NALF1: variants seen among roughly 807,000 people sequenced by gnomAD.
NALF1 encodes the protein NALCN channel auxiliary factor 1, also known as family with sequence similarity 155 member A.
A neutral mutation model predicts 48.4 loss-of-function variants in NALF1; 3 were observed. The observed-to-expected ratio is 0.06, with a 90% confidence interval of 0.03 to 0.16. The LOEUF is 0.16. Among genes scored for constraint, NALF1 ranks in the 10% least tolerant of loss-of-function variants. The pLI is 1.00. For missense variants in NALF1, 526 were observed against 571.5 expected, an observed-to-expected ratio of 0.92 and a Z score of 0.81; for synonymous variants, 262 against 245.7, an observed-to-expected ratio of 1.07 and a Z score of -0.62.
At chr13:107,840,080 A>G (rs1216758716) in intron 1 of NALF1, among the ~76,000 whole-genome samples, 1 of 152,220 alleles carries the variant, frequency 6.6e-6, no homozygotes, top group East Asian at 1.9e-4. Flanking sequence ...AAAACCCTTT[A>G]GCAATGCCAC....
intron 1 of NALF1, among the ~76,000 whole-genome samples, chr13:107,619,100 G>A (rs1048525042): frequency 1.2e-4 from 18 of 152,198 alleles, no homozygotes; most frequent in African/African-American, 3.6e-4. Context: ...TTACTGTGAT[G>A]GAGGAATTGA....
intron 1 of NALF1, among the ~76,000 whole-genome samples, chr13:107,753,520 G>A (rs527255324): frequency 1.0e-3 from 153 of 150,782 alleles, no homozygotes; most frequent in African/African-American, 3.6e-3. Context: ...TATCTTCAAG[G>A]GATGATGACG....
In NALF1 at chr13:107,848,254, G is replaced by A. The variant is rs1455983019; in HGVS notation, c.915+17428C>T. ...AATTTGCACTAATACTCTTTACAATGTTCAAAAGTATGGTTGGTAGGTACA... is the reference window on the plus strand; with the variant it reads ...AATTTGCACTAATACTCTTTACAATATTCAAAAGTATGGTTGGTAGGTACA... On this transcript the variant is annotated intron_variant, in intron 1 of 2. Coordinates refer to ENST00000375915, the MANE Select transcript of NALF1 (RefSeq NM_001080396.3). Among the ~76,000 whole-genome samples, 7 of 152,192 alleles carry A rather than the reference G, an allele frequency of 4.6e-5. No homozygotes were observed. The East Asian group carries it at 9.7e-4, about 21-fold the overall frequency.
In NALF1 at chr13:107,299,399, G is replaced by T. The variant is rs1338887539; in HGVS notation, c.916-88644C>A. ...TAGCAGTGAGCGAGATCCTGCCACC[G>T]CACTCCAGCCTGGGCTACAGAGCGA... On this transcript the variant is annotated intron_variant, in intron 1 of 2. Coordinates refer to ENST00000375915, the MANE Select transcript of NALF1 (RefSeq NM_001080396.3). Among the ~76,000 whole-genome samples, 7 of 150,418 alleles carry T rather than the reference G, an allele frequency of 4.7e-5. 1 individual carries two copies. The highest frequency in any genetic ancestry group is 1.7e-4 in the African/African-American group (7 of 40,882).
At chr13:107,396,361 G>A (rs938819112) in intron 1 of NALF1, among the ~76,000 whole-genome samples, 2 of 152,110 alleles carry the variant, frequency 1.3e-5, no homozygotes. Flanking sequence ...TAAGGCCAGC[G>A]CCACATCCAG....
Position 107,169,943 on chromosome 13 carries a change from A to T in NALF1, c.*554T>A, listed in dbSNP as rs1333103768. 1 of 102,266 alleles carries T rather than the reference A, an allele frequency of 9.8e-6. No individual in the cohort carries two copies. 6.3% of individuals were successfully genotyped at this position (102,266 alleles called of 1,614,324 possible). A position where few individuals can be genotyped will look rare whatever the true frequency, so the allele number is the denominator to read the frequency against. Reference sequence around the variant, plus strand: ...CTGTGGGTAGAAGGGAGACTTAGGGATTTTTTTTATTTTTATTTTTTTGTT... The same window carrying T: ...CTGTGGGTAGAAGGGAGACTTAGGGTTTTTTTTTATTTTTATTTTTTTGTT... On this transcript the variant is annotated 3_prime_UTR_variant, in exon 3 of 3. Coordinates refer to ENST00000375915, the MANE Select transcript of NALF1 (RefSeq NM_001080396.3).
intron 1 of NALF1, among the ~76,000 whole-genome samples, chr13:107,233,628 G>A (rs1566459159): frequency 6.6e-6 from 1 of 152,156 alleles, no homozygotes; most frequent in Non-Finnish European, 1.5e-5. Context: ...AAAAATATAT[G>A]TAAGTGATTT....
At chr13:107,329,565 T>C (rs1882429282) in intron 1 of NALF1, among the ~76,000 whole-genome samples, 1 of 152,002 alleles carries the variant, frequency 6.6e-6, no homozygotes, top group Admixed American at 6.6e-5. Flanking sequence ...GTTTGTTACA[T>C]ATGTATACAT....
intron 1 of NALF1, among the ~76,000 whole-genome samples, chr13:107,262,831 G>T (rs1478063707): frequency 6.7e-6 from 1 of 149,676 alleles, no homozygotes. Context: ...TTGTACATGG[G>T]GACCAAAACA....
At chr13:107,572,222 A>C (rs1174839745) in intron 1 of NALF1, among the ~76,000 whole-genome samples, 2 of 152,162 alleles carry the variant, frequency 1.3e-5, no homozygotes, top group Non-Finnish European at 2.9e-5. Flanking sequence ...GCCTTTCTGC[A>C]TATCTTGTGA....
At chr13:107,425,546 T>C (rs941640004) in intron 1 of NALF1, among the ~76,000 whole-genome samples, 1 of 152,204 alleles carries the variant, frequency 6.6e-6, no homozygotes, top group Non-Finnish European at 1.5e-5. Context: ...TGAATATTTA[T>C]GTACTGTGAT....
chr13:107,320,921 A>T (rs1180929064), intron 1 of NALF1: 3 of 183,686 alleles, frequency 1.6e-5, no homozygotes, highest in Admixed American at 1.0e-4. Context: ...TCTTTCACGC[A>T]TGTTGATCAG....
At chr13:107,429,267 A>G (rs1236460652) in intron 1 of NALF1, among the ~76,000 whole-genome samples, 1 of 151,828 alleles carries the variant, frequency 6.6e-6, no homozygotes, top group Non-Finnish European at 1.5e-5. Context: ...GGTTGCAGTG[A>G]GCCATGATTG....
intron 2 of NALF1, among the ~76,000 whole-genome samples, chr13:107,172,131 G>A (rs1477803759): frequency 6.6e-6 from 1 of 152,102 alleles, no homozygotes; most frequent in African/African-American, 2.4e-5. Flanking sequence ...TTCCTAAAAT[G>A]TCCTCCACCA....
intron 1 of NALF1, among the ~76,000 whole-genome samples, chr13:107,360,770 T>C (rs1188692723): frequency 6.6e-6 from 1 of 152,202 alleles, no homozygotes; most frequent in Non-Finnish European, 1.5e-5. Context: ...AAATAGCTTG[T>C]TCAAACTAGA....
At chr13:107,611,961 C>T (rs537299356) in intron 1 of NALF1, among the ~76,000 whole-genome samples, 2 of 134,826 alleles carry the variant, frequency 1.5e-5, no homozygotes, top group African/African-American at 2.8e-5. Context: ...AAGGAAGGCA[C>T]GAAGAAGAAA....
At chr13:107,730,673 T>TA (rs544025048) in intron 1 of NALF1, among the ~76,000 whole-genome samples, 10 of 152,268 alleles carry the variant, frequency 6.6e-5, no homozygotes, top group Admixed American at 1.3e-4. Context: ...TACTTTTCAA[T>TA]AAAAAAAGTC....
chr13:107,696,759 A>C (rs1163710033), intron 1 of NALF1, among the ~76,000 whole-genome samples: 1 of 152,138 alleles, frequency 6.6e-6, no homozygotes, highest in Non-Finnish European at 1.5e-5. Context: ...TCTAATTTAG[A>C]TGGTGTTTCA....
intron 1 of NALF1, among the ~76,000 whole-genome samples, chr13:107,475,696 T>A (rs1315884524): frequency 6.6e-6 from 1 of 152,184 alleles, no homozygotes; most frequent in Non-Finnish European, 1.5e-5. Flanking sequence ...ATAGCCTAAT[T>A]TTATGGTAGA....
Sources: allele counts gnomAD v4.1 joint callset (sites outside exome capture counted in the v4.1 genomes callset), GRCh38; gene constraint gnomAD v4.1.1; transcripts MANE v1.5; gene names NCBI Gene and HGNC (gene_info 2026-07-23, HGNC 2026-07-21).